The following PDE4B variants were observed in gnomAD, a reference collection of about 807,000 sequenced individuals.
The protein encoded by PDE4B is 3',5'-cyclic-AMP phosphodiesterase 4B.
Under a neutral mutation model 82.2 loss-of-function variants are expected in PDE4B, and 20 were observed. That is an observed-to-expected ratio of 0.24 (90% confidence interval 0.17 to 0.35). The LOEUF is 0.35. Ranked by LOEUF, PDE4B falls within the 10% of genes least tolerant of loss-of-function variation. The pLI, the probability that PDE4B is intolerant of heterozygous loss-of-function variation, is 1.00. For missense variants in PDE4B, 655 were observed against 907.2 expected (o/e 0.72, Z 3.57); for synonymous variants, 320 against 318.9 (o/e 1.00, Z -0.04).
chr1:65,958,754 G>A (rs368043906), intron 3 of PDE4B, among the ~76,000 whole-genome samples: 32 of 147,354 alleles, frequency 2.2e-4, no homozygotes, highest in Non-Finnish European at 3.0e-4. Flanking sequence ...ACACACGCGC[G>A]CGCGCGCGCG....
In PDE4B at chr1:66,220,758, T is replaced by C. The variant is rs1650915954; in HGVS notation, c.282-26702T>C. ...TAGAAAGGTGCCTTAAAACTGTTGC[T>C]GAGAGCTTTCTGGAGATGGGTAATA... On this transcript the variant is annotated intron_variant, in intron 3 of 16. Coordinates refer to ENST00000341517, the MANE Select transcript of PDE4B (RefSeq NM_002600.4). Among the ~76,000 whole-genome samples the C allele has an allele frequency of 2.0e-5, 3 of 152,294 alleles. No individual in the cohort carries two copies. In the South Asian group the frequency reaches 6.2e-4, roughly 32 times the overall value.
chr1:66,187,275 A>C (rs142827724), intron 3 of PDE4B, among the ~76,000 whole-genome samples: 2 of 151,170 alleles, frequency 1.3e-5, no homozygotes, highest in Non-Finnish European at 3.0e-5. Flanking sequence ...GTTCATCAAG[A>C]ATATTGGTCT....
At chr1:66,038,544 A>G (rs1654185417) in intron 3 of PDE4B, among the ~76,000 whole-genome samples, 1 of 150,184 alleles carries the variant, frequency 6.7e-6, no homozygotes. Context: ...GGAATAGTAG[A>G]ACATATGGAG....
chr1:65,867,044 G>A (rs1015451609), intron 1 of PDE4B, among the ~76,000 whole-genome samples: 1 of 152,100 alleles, frequency 6.6e-6, no homozygotes, highest in African/African-American at 2.4e-5. Context: ...AAATAATATG[G>A]TGCCTTGAAA....
chr1:66,029,469 T>C (rs1653637744), intron 3 of PDE4B, among the ~76,000 whole-genome samples: 2 of 152,152 alleles, frequency 1.3e-5, no homozygotes, highest in Admixed American at 1.3e-4. Flanking sequence ...TTGAAACAGT[T>C]TGAGATAAAT....
At chr1:66,313,161 C>T (rs1055376630) in intron 7 of PDE4B, among the ~76,000 whole-genome samples, 1 of 152,214 alleles carries the variant, frequency 6.6e-6, no homozygotes, top group South Asian at 2.1e-4. Flanking sequence ...TTAAAATGCA[C>T]TTACCTTCTT....
intron 1 of PDE4B, among the ~76,000 whole-genome samples, chr1:65,822,852 A>T (rs1383722412): frequency 6.6e-6 from 1 of 152,128 alleles, no homozygotes; most frequent in Non-Finnish European, 1.5e-5. Flanking sequence ...TGAGAAATTA[A>T]TTTCTATTAT....
At chr1:66,092,343 G>T (rs754143873) in intron 3 of PDE4B, among the ~76,000 whole-genome samples, 1 of 151,970 alleles carries the variant, frequency 6.6e-6, no homozygotes, top group Non-Finnish European at 1.5e-5. Context: ...ACAGCATACA[G>T]TATATACAGT....
rs36046564 is a variant in PDE4B, at chr1:66,268,667, CAAAAAAAAAAAAA to C, written c.634+2592_634+2604del. Among the ~76,000 whole-genome samples, 19 of 61,226 alleles carry C rather than the reference CAAAAAAAAAAAAA, an allele frequency of 3.1e-4. 1 individual carries two copies. The South Asian group carries it at 0.014, about 45-fold the overall frequency. 40.2% of individuals were successfully genotyped at this position (61,226 alleles called of 152,430 possible). A position where few individuals can be genotyped will look rare whatever the true frequency, so the allele number is the denominator to read the frequency against. ...CAGGTGACAGAGCAAGACTCCATCT[CAAAAAAAAAAAAA>C]AAAAAAAAAAAGAAAGAAAAAGAAA... On this transcript the variant is annotated intron_variant, in intron 7 of 16. Transcript: ENST00000341517.
At chr1:66,237,453 A>G (rs899278010) in intron 3 of PDE4B, among the ~76,000 whole-genome samples, 5 of 152,234 alleles carry the variant, frequency 3.3e-5, no homozygotes, top group African/African-American at 1.2e-4. Context: ...AGTTCTTGAA[A>G]TATTAAGTTA....
intron 3 of PDE4B, among the ~76,000 whole-genome samples, chr1:66,205,068 A>C (rs1649438291): frequency 6.6e-6 from 1 of 152,334 alleles, no homozygotes; most frequent in Non-Finnish European, 1.5e-5. Flanking sequence ...GCCATGCCTA[A>C]GTTTTAGAAT....
intron 3 of PDE4B, among the ~76,000 whole-genome samples, chr1:66,245,284 C>T (rs1403547127): frequency 1.3e-5 from 2 of 152,082 alleles, no homozygotes; most frequent in Non-Finnish European, 2.9e-5. Context: ...GTTTTAATAT[C>T]CAGAAAGGTT....
chr1:66,268,931 G>A (rs557977399), intron 7 of PDE4B, among the ~76,000 whole-genome samples: 1 of 152,144 alleles, frequency 6.6e-6, no homozygotes, highest in Non-Finnish European at 1.5e-5. Flanking sequence ...AGCTCTTGAA[G>A]ACAGGGACTG....
At chr1:66,090,383 A>G (rs1216450669) in intron 3 of PDE4B, among the ~76,000 whole-genome samples, 3 of 151,792 alleles carry the variant, frequency 2.0e-5, no homozygotes, top group Non-Finnish European at 4.4e-5. Context: ...TGTACCATCA[A>G]GGGCAGGACA....
At chr1:65,889,199 G>A (rs1242852421) in intron 1 of PDE4B, among the ~76,000 whole-genome samples, 1 of 151,924 alleles carries the variant, frequency 6.6e-6, no homozygotes, top group Non-Finnish European at 1.5e-5. Flanking sequence ...CTAATGAGAT[G>A]GTTTTGATCC....
At chr1:66,321,104 C>T (rs1659374011) in intron 7 of PDE4B, among the ~76,000 whole-genome samples, 1 of 152,156 alleles carries the variant, frequency 6.6e-6, no homozygotes, top group African/African-American at 2.4e-5. Flanking sequence ...TTTGGCCTCC[C>T]ACATAGGGAA....
intron 3 of PDE4B, among the ~76,000 whole-genome samples, chr1:66,138,970 A>C (rs921317223): frequency 6.6e-6 from 1 of 152,178 alleles, no homozygotes; most frequent in Non-Finnish European, 1.5e-5. Flanking sequence ...CCACCATAAA[A>C]ATTTGCTGGT....
At chr1:65,859,572 T>C (rs932388284) in intron 1 of PDE4B, among the ~76,000 whole-genome samples, 1 of 152,284 alleles carries the variant, frequency 6.6e-6, no homozygotes, top group Admixed American at 6.5e-5. Flanking sequence ...TAGAAAGATG[T>C]GGACCGTCAT....
intron 3 of PDE4B, among the ~76,000 whole-genome samples, chr1:66,137,415 C>A (rs765975640): frequency 4.4e-4 from 67 of 152,280 alleles, no homozygotes; most frequent in Non-Finnish European, 7.6e-4. Context: ...TGAATGAGAT[C>A]ATGTCTGATG....
Sources: gnomAD v4.1 joint callset for allele counts (sites outside exome capture counted in the v4.1 genomes callset) on GRCh38, gnomAD v4.1.1 for gene constraint, MANE v1.5 for transcripts, NCBI Gene and HGNC (gene_info 2026-07-23, HGNC 2026-07-21) for gene names.